MTUS2: variants seen among roughly 807,000 people sequenced by gnomAD.
The protein encoded by MTUS2 is microtubule-associated tumor suppressor candidate 2.
A neutral mutation model predicts 114.1 loss-of-function variants in MTUS2; 40 were observed. That is an observed-to-expected ratio of 0.35 (90% CI 0.27 to 0.46). The LOEUF (loss-of-function observed/expected upper bound fraction) is 0.46. MTUS2 is among the 20% of genes least tolerant of loss of function. The pLI, the probability that MTUS2 is intolerant of heterozygous loss-of-function variation, is 1.00. For synonymous variants in MTUS2, 688 were observed against 672.0 expected, an observed-to-expected ratio of 1.02 and a Z score of -0.37; for missense variants, 1,679 against 1,705.4, an observed-to-expected ratio of 0.98 and a Z score of 0.27.
chr13:29,050,251 C>G (rs1028868401), intron 4 of MTUS2, among the ~76,000 whole-genome samples: 3 of 152,050 alleles, frequency 2.0e-5, no homozygotes, highest in African/African-American at 7.3e-5. Context: ...AACTAGATAC[C>G]CAATCAGTTT....
chr13:29,185,377 G>A (rs1894180687), intron 5 of MTUS2, among the ~76,000 whole-genome samples: 1 of 152,068 alleles, frequency 6.6e-6, no homozygotes, highest in Non-Finnish European at 1.5e-5. Context: ...AAGAAATAAG[G>A]GTGAAAACTT....
At chr13:28,997,033 A>G (rs751735839) in intron 2 of MTUS2, among the ~76,000 whole-genome samples, 7 of 152,070 alleles carry the variant, frequency 4.6e-5, no homozygotes, top group Non-Finnish European at 8.8e-5. Context: ...TGGGCATTTA[A>G]TGCTATAAAT....
At chr13:29,202,622 G>T (rs1393018989) in intron 5 of MTUS2, among the ~76,000 whole-genome samples, 1 of 152,148 alleles carries the variant, frequency 6.6e-6, no homozygotes, top group Non-Finnish European at 1.5e-5. Context: ...TTTTGCGCTG[G>T]TTTTTCCTCA....
intron 5 of MTUS2, among the ~76,000 whole-genome samples, chr13:29,222,139 A>T (rs1213529389): frequency 6.6e-6 from 1 of 152,202 alleles, no homozygotes; most frequent in African/African-American, 2.4e-5. Flanking sequence ...TTACAGAAAT[A>T]ACTGGCAGTT....
At chr13:29,360,437 C>T (rs1288742784) in intron 8 of MTUS2, among the ~76,000 whole-genome samples, 1 of 152,094 alleles carries the variant, frequency 6.6e-6, no homozygotes, top group East Asian at 1.9e-4. Context: ...CTGAGCTGCT[C>T]TTTTTTGTTG....
At chr13:28,903,437 T>C (rs1879773130) in intron 2 of MTUS2, among the ~76,000 whole-genome samples, 1 of 111,548 alleles carries the variant, frequency 9.0e-6, no homozygotes, top group Non-Finnish European at 1.7e-5. Flanking sequence ...CAACAGGCCC[T>C]GGTGTGTGAT....
intron 6 of MTUS2, among the ~76,000 whole-genome samples, chr13:29,303,186 A>G (rs565526531): frequency 1.5e-4 from 23 of 152,372 alleles, no homozygotes; most frequent in African/African-American, 5.0e-4. Context: ...AGATAAGCCC[A>G]CAAAGATGAG....
intron 2 of MTUS2, among the ~76,000 whole-genome samples, chr13:28,960,672 A>G (rs1266635087): frequency 1.3e-5 from 2 of 152,220 alleles, no homozygotes; most frequent in African/African-American, 4.8e-5. Context: ...AAGACAGAAA[A>G]TAGATTAGTG....
rs535858941 is a variant in MTUS2, at chr13:29,339,304, C to T, written c.2905+14593C>T. Among the ~76,000 whole-genome samples, 14 of 152,246 alleles carry T rather than the reference C, an allele frequency of 9.2e-5. 1 individual carries two copies. In the Middle Eastern group the frequency reaches 0.014, roughly 148 times the overall value. ...CTGGAGAGTGGAGGCTTCTTCTGAG[C>T]GGCCCAGGCCTGGGCACAAAGGCGG... is the stretch of plus-strand genomic sequence containing the variant. On this transcript the variant is annotated intron_variant, in intron 7 of 15. Transcript: ENST00000612955.
At chr13:28,955,886 G>A (rs1032079000) in intron 2 of MTUS2, among the ~76,000 whole-genome samples, 1 of 151,674 alleles carries the variant, frequency 6.6e-6, no homozygotes, top group Non-Finnish European at 1.5e-5. Context: ...ACCTTGCTTT[G>A]CTCCAGACAT....
At chr13:29,106,413 G>A (rs781716921) in intron 5 of MTUS2, among the ~76,000 whole-genome samples, 2 of 152,188 alleles carry the variant, frequency 1.3e-5, no homozygotes, top group Non-Finnish European at 2.9e-5. Context: ...TACCTGGAGT[G>A]CAGTGGCATG....
chr13:29,443,985 C>G lies in MTUS2; in HGVS notation c.3184+3936C>G, dbSNP rs367640425. On this transcript the variant is annotated intron_variant, in intron 9 of 15. Transcript: ENST00000612955. Reference sequence around the variant, plus strand: ...GATGTATTTATTGCACATTCCAGAACAGGGCTGCCCTGTCTCCCAAATCTA... The same window carrying G: ...GATGTATTTATTGCACATTCCAGAAGAGGGCTGCCCTGTCTCCCAAATCTA... Among the ~76,000 whole-genome samples the G allele has an allele frequency of 1.4e-4, 21 of 152,328 alleles. No homozygotes were observed. The East Asian group carries it at 2.9e-3, about 21-fold the overall frequency.
At chr13:29,379,133 T>C (rs1315885593) in intron 8 of MTUS2, among the ~76,000 whole-genome samples, 1 of 152,202 alleles carries the variant, frequency 6.6e-6, no homozygotes, top group African/African-American at 2.4e-5. Flanking sequence ...GAACTGTAAG[T>C]CAATTAAACC....
chr13:28,932,161 A>G (rs113396284), intron 2 of MTUS2, among the ~76,000 whole-genome samples: 1,621 of 152,308 alleles, frequency 0.011, 27 homozygotes, highest in East Asian at 0.042. Flanking sequence ...ATTCTCATCT[A>G]GGAAATGGTC....
At chr13:29,103,120 G>A (rs1890493142) in intron 5 of MTUS2, among the ~76,000 whole-genome samples, 1 of 152,094 alleles carries the variant, frequency 6.6e-6, no homozygotes, top group Non-Finnish European at 1.5e-5. Flanking sequence ...ATTCATTTAA[G>A]GAATACTGCT....
In MTUS2 at chr13:29,036,248, A is replaced by G. The variant is rs553330431; in HGVS notation, c.2446+2123A>G. ...AAGGCCACTCTCAGTTTGTTCCTCC[A>G]TTACAAAAAGTCCTCTGACGGAAGG... On this transcript the variant is annotated intron_variant, in intron 4 of 15. Coordinates refer to ENST00000612955, the MANE Select transcript of MTUS2 (RefSeq NM_001033602.4). Among the ~76,000 whole-genome samples the G allele has an allele frequency of 9.9e-5, 15 of 152,236 alleles. No individual in the cohort carries two copies. The East Asian group carries it at 1.4e-3, about 14-fold the overall frequency.
At chr13:29,315,788 G>T (rs1821644291) in intron 6 of MTUS2, among the ~76,000 whole-genome samples, 1 of 152,232 alleles carries the variant, frequency 6.6e-6, no homozygotes, top group Non-Finnish European at 1.5e-5. Context: ...GACAGAAGGA[G>T]ACTGATGGTG....
chr13:29,401,819 ATATT>A (rs1393283076), intron 8 of MTUS2, among the ~76,000 whole-genome samples: 25 of 152,350 alleles, frequency 1.6e-4, no homozygotes, highest in African/African-American at 5.5e-4. Flanking sequence ...ATTTTCATAA[ATATT>A]CTCTTACATT....
chr13:28,849,370 T>G (rs1161473), intron 2 of MTUS2, among the ~76,000 whole-genome samples: 116,084 of 152,150 alleles, frequency 0.76, 45,016 homozygotes, highest in Non-Finnish European at 0.82. Context: ...GCATCAGCTT[T>G]TTTGCAGAGC....
Sources: allele counts gnomAD v4.1 joint callset (sites outside exome capture counted in the v4.1 genomes callset), GRCh38; gene constraint gnomAD v4.1.1; transcripts MANE v1.5; gene names NCBI Gene and HGNC (gene_info 2026-07-23, HGNC 2026-07-21).